Variants in PRKN observed in about 807,000 individuals in gnomAD.
PRKN encodes the protein parkin RBR E3 ubiquitin protein ligase.
Under a neutral mutation model 59.5 loss-of-function variants are expected in PRKN, and 56 were observed. The observed-to-expected ratio is 0.94, with a 90% CI of 0.76 to 1.18. The LOEUF (loss-of-function observed/expected upper bound fraction) is 1.18. Ranked by LOEUF, PRKN falls within the 50% of genes most tolerant of loss-of-function variation. PRKN has a pLI of 0.00. For synonymous variants in PRKN, 250 were observed against 222.1 expected (o/e 1.13, Z -1.12); for missense variants, 657 against 596.4 (o/e 1.10, Z -1.06).
At chr6:161,932,866 CA>C (rs1333376886) in intron 6 of PRKN, among the ~76,000 whole-genome samples, 4 of 151,844 alleles carry the variant, frequency 2.6e-5, no homozygotes, top group African/African-American at 9.7e-5. Flanking sequence ...AATAAAGCAG[CA>C]GTTCTCAACA....
chr6:162,122,145 G>A (rs1305918476), intron 4 of PRKN, among the ~76,000 whole-genome samples: 3 of 152,156 alleles, frequency 2.0e-5, no homozygotes, highest in Non-Finnish European at 2.9e-5. Flanking sequence ...CCAACAAGAC[G>A]ACATGCCCTG....
intron 1 of PRKN, among the ~76,000 whole-genome samples, chr6:162,545,567 G>A (rs188794585): frequency 2.6e-5 from 4 of 152,056 alleles, no homozygotes; most frequent in South Asian, 4.2e-4. Flanking sequence ...TTGATACAGC[G>A]GTCATATTAA....
chr6:161,616,318 C>T (rs945368587), intron 7 of PRKN, among the ~76,000 whole-genome samples: 5 of 152,168 alleles, frequency 3.3e-5, no homozygotes, highest in African/African-American at 1.2e-4. Flanking sequence ...CCCTTTTAAA[C>T]TTTAAACCAC....
At chr6:162,557,156 A>G (rs1779641442) in intron 1 of PRKN, among the ~76,000 whole-genome samples, 1 of 152,212 alleles carries the variant, frequency 6.6e-6, no homozygotes, top group South Asian at 2.1e-4. Context: ...CATCTCCAAT[A>G]AGGCTCCAGT....
At position 161,445,128 on chromosome 6, in the gene PRKN, C is replaced by T. The variant is rs563505640; in HGVS notation, c.1084-58251G>A. On this transcript the variant is annotated intron_variant, in intron 9 of 11. Coordinates refer to ENST00000366898, the MANE Select transcript of PRKN (RefSeq NM_004562.3). This position sits in a 1 kb window ranked among gnomAD's most constrained non-coding sequence, Gnocchi z 7.7. ...TAAAACCCATAATTCTTGAACTTGA[C>T]GTGCTCAGCCTCTCCAAAGCCGCGG... 7.9e-4 allele frequency among the ~76,000 whole-genome samples: 120 copies of T among 152,232 alleles called. No individual in the cohort carries two copies. In the South Asian group the frequency reaches 0.014, roughly 17 times the overall value.
chr6:162,357,754 A>G (rs1480317455), intron 2 of PRKN, among the ~76,000 whole-genome samples: 1 of 152,218 alleles, frequency 6.6e-6, no homozygotes, highest in South Asian at 2.1e-4. Context: ...TTATTGAGTC[A>G]CCAATAGATA....
intron 9 of PRKN, among the ~76,000 whole-genome samples, chr6:161,490,242 C>T (rs923653325): frequency 4.6e-5 from 7 of 152,174 alleles, no homozygotes; most frequent in Non-Finnish European, 8.8e-5. Flanking sequence ...CATGCTCGCT[C>T]CCAGCACAAA....
intron 4 of PRKN, among the ~76,000 whole-genome samples, chr6:162,061,368 A>G (rs1778097662): frequency 6.6e-6 from 1 of 152,236 alleles, no homozygotes; most frequent in African/African-American, 2.4e-5. Flanking sequence ...TTCTCAAAAT[A>G]GAACTGCCTG....
intron 1 of PRKN, among the ~76,000 whole-genome samples, chr6:162,619,868 T>C (rs1411911589): frequency 6.6e-6 from 1 of 152,194 alleles, no homozygotes; most frequent in Non-Finnish European, 1.5e-5. Context: ...TTCTGACGAA[T>C]GGACAGTTTC....
chr6:161,948,983 G>A (rs1255546909), intron 6 of PRKN, among the ~76,000 whole-genome samples: 1 of 152,180 alleles, frequency 6.6e-6, no homozygotes, highest in Non-Finnish European at 1.5e-5. Flanking sequence ...GATTTCTACG[G>A]GGAGGCAGAG....
chr6:162,208,324 C>T (rs1785046368), intron 3 of PRKN, among the ~76,000 whole-genome samples: 1 of 152,142 alleles, frequency 6.6e-6, no homozygotes, highest in African/African-American at 2.4e-5. Flanking sequence ...AACCATCCAT[C>T]CAGTGAATGT....
At chr6:162,405,416 A>C (rs769203642) in intron 2 of PRKN, among the ~76,000 whole-genome samples, 4 of 152,176 alleles carry the variant, frequency 2.6e-5, no homozygotes, top group Non-Finnish European at 4.4e-5. Context: ...TACTCCTTTG[A>C]GGGTCTCTTA....
rs570932449 is a variant in PRKN, at chr6:161,359,728, T to G, written c.1285+360A>C. Reference sequence around the variant, plus strand: ...GCCGGCAGACAACAGGGTCATACGGTGCAGCCATCAGCGCTGGGGAAGGTC... The same window carrying G: ...GCCGGCAGACAACAGGGTCATACGGGGCAGCCATCAGCGCTGGGGAAGGTC... On this transcript the variant is annotated intron_variant, in intron 11 of 11. Coordinates refer to ENST00000366898, the MANE Select transcript of PRKN (RefSeq NM_004562.3). The surrounding 1 kb of genome is among the most constrained non-coding windows in gnomAD (Gnocchi z 5.4). Among the ~76,000 whole-genome samples the G allele has an allele frequency of 6.6e-6, 1 of 152,120 alleles. No individual in the cohort carries two copies. The highest frequency in any genetic ancestry group is 1.5e-5 in the Non-Finnish European group (1 of 68,008).
chr6:162,559,081 G>A (rs1017948009), intron 1 of PRKN, among the ~76,000 whole-genome samples: 2 of 150,844 alleles, frequency 1.3e-5, no homozygotes, highest in Admixed American at 1.3e-4. Context: ...AACCCAGGAG[G>A]CGGAGCTTGT....
chr6:161,866,569 T>C (rs1387411519), intron 6 of PRKN, among the ~76,000 whole-genome samples: 2 of 152,040 alleles, frequency 1.3e-5, no homozygotes, highest in African/African-American at 4.8e-5. Context: ...AGTAATACTC[T>C]GTTTAAAAAA....
chr6:161,844,726 T>C (rs1217560151), intron 6 of PRKN, among the ~76,000 whole-genome samples: 1 of 152,216 alleles, frequency 6.6e-6, no homozygotes, highest in Non-Finnish European at 1.5e-5. Context: ...TGAGGAAATG[T>C]CAATGCAAAA....
intron 2 of PRKN, among the ~76,000 whole-genome samples, chr6:162,347,012 ATT>A (rs1285705892): frequency 6.6e-6 from 1 of 151,540 alleles, no homozygotes; most frequent in East Asian, 1.9e-4. Flanking sequence ...TCCTAATATT[ATT>A]TGTGTCTTTA....
In PRKN at chr6:162,715,741, A is replaced by G. The variant is rs191061481; in HGVS notation, c.7+11921T>C. The stretch of plus-strand genomic sequence containing the variant: ...AAAACTGCACTGAGCTGGTCCTGAC[A>G]CCCTAATCTATCATCACCTCCCACT... On this transcript the variant is annotated intron_variant, in intron 1 of 11. Transcript: ENST00000366898. Among the ~76,000 whole-genome samples the G allele has an allele frequency of 5.0e-4, 76 of 152,204 alleles. 1 individual carries two copies. The East Asian group carries it at 0.012, about 24-fold the overall frequency.
At chr6:162,047,642 T>A (rs1777439105) in intron 5 of PRKN, among the ~76,000 whole-genome samples, 1 of 151,692 alleles carries the variant, frequency 6.6e-6, no homozygotes, top group Admixed American at 6.6e-5. Context: ...AAAACAACAA[T>A]AAAAACAGAC....
Sources: allele counts gnomAD v4.1 joint callset (sites outside exome capture counted in the v4.1 genomes callset), GRCh38; gene constraint gnomAD v4.1.1; non-coding constraint Gnocchi (gnomAD v3.1); transcripts MANE v1.5; gene names NCBI Gene and HGNC (gene_info 2026-07-23, HGNC 2026-07-21).